The following PRUNE2 variants were observed in gnomAD, a reference collection of about 807,000 sequenced individuals.
PRUNE2 encodes the protein protein prune homolog 2.
A neutral mutation model predicts 252.0 loss-of-function variants in PRUNE2; 164 were observed. The observed-to-expected ratio is 0.65, with a 90% CI of 0.57 to 0.74. PRUNE2 has a LOEUF of 0.74. Among genes scored for constraint, PRUNE2 ranks in the 30% least tolerant of loss-of-function variants. PRUNE2 has a pLI of 0.00. For missense variants in PRUNE2, 3,495 were observed against 3,711.0 expected, an observed-to-expected ratio of 0.94 and a Z score of 1.51; for synonymous variants, 1,292 against 1,350.2, an observed-to-expected ratio of 0.96 and a Z score of 0.94.
At chr9:76,769,642 C>G (rs1225948943) in intron 6 of PRUNE2, among the ~76,000 whole-genome samples, 2 of 152,170 alleles carry the variant, frequency 1.3e-5, no homozygotes. Flanking sequence ...TCAGGCTGGA[C>G]TCGAACTCCC....
chr9:76,649,064 G>C (rs1048958637), intron 11 of PRUNE2, among the ~76,000 whole-genome samples: 1 of 152,206 alleles, frequency 6.6e-6, no homozygotes, highest in Non-Finnish European at 1.5e-5. Flanking sequence ...AATGTTTGTA[G>C]AGAAACAGGT....
At chr9:76,836,184 A>G (rs1264258667) in intron 4 of PRUNE2, among the ~76,000 whole-genome samples, 2 of 151,690 alleles carry the variant, frequency 1.3e-5, no homozygotes, top group Non-Finnish European at 2.9e-5. Flanking sequence ...TAAATTTGGC[A>G]GTAGTCCTCT....
intron 6 of PRUNE2, among the ~76,000 whole-genome samples, chr9:76,717,465 T>C (rs1564141133): frequency 1.3e-5 from 2 of 152,182 alleles, no homozygotes; most frequent in Admixed American, 1.3e-4. Context: ...CAACTGTAGA[T>C]ACAGGTTGGC....
At chr9:76,627,837 T>C in intron 16 of PRUNE2, 1 of 431,398 alleles carries the variant, frequency 2.3e-6, no homozygotes, top group Non-Finnish European at 4.6e-6. Context: ...CCCCTGCATC[T>C]GTAAAACAGG....
intron 1 of PRUNE2, among the ~76,000 whole-genome samples, chr9:76,889,049 G>T (rs1435413720): frequency 6.6e-6 from 1 of 151,934 alleles, no homozygotes; most frequent in East Asian, 1.9e-4. Flanking sequence ...CACCATGTTG[G>T]CCAGGCTGGT....
chr9:76,659,442 T>A (rs1010542402), intron 9 of PRUNE2, among the ~76,000 whole-genome samples: 1 of 152,146 alleles, frequency 6.6e-6, no homozygotes, highest in African/African-American at 2.4e-5. Flanking sequence ...TAAGACTGAG[T>A]ATTAATATAT....
intron 6 of PRUNE2, among the ~76,000 whole-genome samples, chr9:76,719,538 C>CAGATT (rs2047443191): frequency 6.6e-6 from 1 of 151,974 alleles, no homozygotes; most frequent in Non-Finnish European, 1.5e-5. Flanking sequence ...GTAATCCTAG[C>CAGATT]ACTTTGGGAG....
intron 6 of PRUNE2, among the ~76,000 whole-genome samples, chr9:76,806,969 C>T (rs898661969): frequency 4.6e-5 from 7 of 151,522 alleles, no homozygotes; most frequent in Non-Finnish European, 1.0e-4. Flanking sequence ...TGTGTCAGAG[C>T]GAAGACTCCA....
At chr9:76,640,643 T>C (rs2132750234) in intron 12 of PRUNE2, among the ~76,000 whole-genome samples, 1 of 152,298 alleles carries the variant, frequency 6.6e-6, no homozygotes, top group African/African-American at 2.4e-5. Context: ...TGAAGGAAAA[T>C]GGCAGGAGGA....
At chr9:76,847,264 T>C (rs1170739611) in intron 3 of PRUNE2, among the ~76,000 whole-genome samples, 2 of 151,288 alleles carry the variant, frequency 1.3e-5, no homozygotes, top group African/African-American at 2.4e-5. Flanking sequence ...AGGCTGAGGT[T>C]GCAGTGAGCC....
At chr9:76,822,093 T>G (rs928090847) in intron 6 of PRUNE2, among the ~76,000 whole-genome samples, 1 of 152,182 alleles carries the variant, frequency 6.6e-6, no homozygotes, top group African/African-American at 2.4e-5. Context: ...CCTTGCAAGA[T>G]CCATGTTTTC....
rs369573842 is a variant in PRUNE2 at position 76,708,876 on chromosome 9, T to C, written c.3398A>G (p.Asp1133Gly). ...GCAGTCATCCCAGTCCAAATCATTG[T>C]CCATATCTGAGATCGTTGCAGTGGA... ...TQSTATISDM[D>G]NDLDWDDCSG... is the part of the protein sequence containing the mutation. Residue 1133 changes from aspartate to glycine, a missense_variant, in exon 8 of 19, where the codon GAC (aspartate) becomes GGC (glycine). Asp to Gly is a moderately conservative substitution (Grantham distance 94). Transcript: ENST00000376718. The C allele has an allele frequency of 1.2e-6, 2 of 1,613,988 alleles. No homozygotes were observed. Among genetic ancestry groups the C allele is most frequent in the Non-Finnish European group, 1.7e-6 (2 of 1,179,884 alleles).
intron 6 of PRUNE2, among the ~76,000 whole-genome samples, chr9:76,756,542 C>A (rs1382589481): frequency 6.6e-6 from 1 of 152,226 alleles, no homozygotes; most frequent in Non-Finnish European, 1.5e-5. Context: ...TCCATCAGAA[C>A]AGCTGCATTC....
chr9:76,821,011 A>G (rs2058009739), intron 6 of PRUNE2, among the ~76,000 whole-genome samples: 1 of 152,216 alleles, frequency 6.6e-6, no homozygotes, highest in African/African-American at 2.4e-5. Context: ...AGATACCATC[A>G]GTACCCTCAA....
chr9:76,769,729 T>C (rs913381141), intron 6 of PRUNE2, among the ~76,000 whole-genome samples: 4 of 152,148 alleles, frequency 2.6e-5, no homozygotes, highest in African/African-American at 9.7e-5. Flanking sequence ...ATATATGTCG[T>C]TATATTCTGA....
chr9:76,635,219 G>A (rs144187562), intron 15 of PRUNE2, among the ~76,000 whole-genome samples: 201 of 152,214 alleles, frequency 1.3e-3, no homozygotes, highest in African/African-American at 4.4e-3. Flanking sequence ...TGATCTGCCC[G>A]CCTTGGCCTC....
At chr9:76,749,560 C>T (rs191622464) in intron 6 of PRUNE2, among the ~76,000 whole-genome samples, 34 of 152,268 alleles carry the variant, frequency 2.2e-4, no homozygotes, top group African/African-American at 5.5e-4. Context: ...AAAACCCTTG[C>T]GTGTAACCGT....
rs2046464191 is a variant in PRUNE2, at chr9:76,708,450, T to C, written c.3824A>G (p.Glu1275Gly). ...AAGATGAGATATAAGTGCCTCTGAT[T>C]CACTGGTTCCAGAGGCTGCTGGCGC... ...PDAPAASGTS[E>G]SEALISHLDK... The change falls in exon 8 of 19, where the codon GAA becomes GGA. Residue 1275 changes from glutamate to glycine, a missense_variant. Glu to Gly is a moderately conservative substitution (Grantham distance 98, BLOSUM62 -2). Coordinates refer to ENST00000376718, the MANE Select transcript of PRUNE2 (RefSeq NM_015225.3). 6.2e-7 allele frequency: 1 copy of C among 1,613,918 alleles called. No homozygotes were observed. Among genetic ancestry groups the C allele is most frequent in the Non-Finnish European group, 8.5e-7 (1 of 1,179,868 alleles).
chr9:76,851,128 G>A lies in PRUNE2; in HGVS notation c.142-463C>T, dbSNP rs535218820. Among the ~76,000 whole-genome samples, 15 of 151,886 alleles carry A rather than the reference G, an allele frequency of 9.9e-5. No homozygotes were observed. In the South Asian group the frequency reaches 3.1e-3, roughly 32 times the overall value. Reference sequence around the variant, plus strand: ...AGATTGGCAGAAAATTAGGACAATTGAGGCAGGGTGGGTGGGGACTGTGGG... The same window carrying A: ...AGATTGGCAGAAAATTAGGACAATTAAGGCAGGGTGGGTGGGGACTGTGGG... On this transcript the variant is annotated intron_variant, in intron 2 of 18. Coordinates refer to ENST00000376718, the MANE Select transcript of PRUNE2 (RefSeq NM_015225.3).
Sources: gnomAD v4.1 joint callset for allele counts (sites outside exome capture counted in the v4.1 genomes callset) on GRCh38, gnomAD v4.1.1 for gene constraint, MANE v1.5 for transcripts, NCBI Gene and HGNC (gene_info 2026-07-23, HGNC 2026-07-21) for gene names.